Variants in ARHGAP24 observed in about 807,000 individuals in gnomAD.
The protein encoded by ARHGAP24 is Rho GTPase activating protein 24.
In ARHGAP24, 50 loss-of-function variants were observed where a neutral mutation model predicts 76.4. The observed-to-expected ratio is 0.65, with a 90% CI of 0.52 to 0.83. ARHGAP24 has a LOEUF of 0.83. Ranked by LOEUF, ARHGAP24 falls within the 40% of genes least tolerant of loss-of-function variation. The pLI is 0.00. For missense variants in ARHGAP24, 930 were observed against 914.2 expected (o/e 1.02, Z -0.22); for synonymous variants, 345 against 323.3 (o/e 1.07, Z -0.72).
chr4:85,810,566 C>T (rs1211822934), intron 3 of ARHGAP24, among the ~76,000 whole-genome samples: 2 of 152,164 alleles, frequency 1.3e-5, no homozygotes, highest in Non-Finnish European at 2.9e-5. Flanking sequence ...TCTAGACTCC[C>T]TTTATACCAT....
chr4:85,829,784 G>A (rs1729896635), intron 3 of ARHGAP24, among the ~76,000 whole-genome samples: 1 of 152,180 alleles, frequency 6.6e-6, no homozygotes, highest in Admixed American at 6.5e-5. Flanking sequence ...CTACAGTCTT[G>A]TATGTTCAGA....
intron 1 of ARHGAP24, among the ~76,000 whole-genome samples, chr4:85,532,377 A>T (rs1183428909): frequency 6.6e-6 from 1 of 152,142 alleles, no homozygotes; most frequent in Non-Finnish European, 1.5e-5. Context: ...TGGCCAATGG[A>T]GAATAATTAA....
At chr4:85,874,973 T>A (rs980657740) in intron 3 of ARHGAP24, among the ~76,000 whole-genome samples, 5 of 117,258 alleles carry the variant, frequency 4.3e-5, no homozygotes, top group Non-Finnish European at 6.5e-5. Context: ...ATAAATATAT[T>A]TTTATATAAT....
intron 1 of ARHGAP24, among the ~76,000 whole-genome samples, chr4:85,506,569 T>C (rs1317040071): frequency 6.7e-6 from 1 of 149,312 alleles, no homozygotes; most frequent in East Asian, 1.9e-4. Context: ...GAAGAAAATC[T>C]TCAGGTCTGC....
At chr4:85,814,196 A>G (rs767243113) in intron 3 of ARHGAP24, among the ~76,000 whole-genome samples, 3 of 152,116 alleles carry the variant, frequency 2.0e-5, no homozygotes, top group Non-Finnish European at 2.9e-5. Context: ...AGATTTGGGT[A>G]GGGATACAGA....
At position 85,625,562 on chromosome 4, in the gene ARHGAP24, G is replaced by T. The variant is rs192072423; in HGVS notation, c.180+54841G>T. On this transcript the variant is annotated intron_variant, in intron 2 of 9. Transcript: ENST00000395184. The stretch of plus-strand genomic sequence containing the variant: ...ATGTATATTCTGTTGATTTAGGGTG[G>T]ACAGTTCTGTAGATGTCTATTAGGT... Among the ~76,000 whole-genome samples the T allele has an allele frequency of 2.7e-3, 417 of 152,272 alleles. 1 individual carries two copies. The highest frequency in any genetic ancestry group is 4.4e-3 in the Non-Finnish European group (296 of 68,024).
At chr4:85,677,507 C>G (rs910317392) in intron 2 of ARHGAP24, among the ~76,000 whole-genome samples, 6 of 152,190 alleles carry the variant, frequency 3.9e-5, no homozygotes, top group African/African-American at 1.4e-4. Context: ...CTCATTTCTG[C>G]TGCTGCTGCT....
At chr4:85,631,527 T>C (rs1721158827) in intron 2 of ARHGAP24, among the ~76,000 whole-genome samples, 1 of 152,136 alleles carries the variant, frequency 6.6e-6, no homozygotes, top group African/African-American at 2.4e-5. Flanking sequence ...TTTATTTCAA[T>C]GTCTATTTTA....
intron 3 of ARHGAP24, among the ~76,000 whole-genome samples, chr4:85,796,417 A>C (rs1728341241): frequency 6.6e-6 from 1 of 152,192 alleles, no homozygotes; most frequent in Admixed American, 6.5e-5. Context: ...AATGCATCTC[A>C]GTTGTATCAG....
At chr4:85,877,371 T>C (rs1732994900) in intron 3 of ARHGAP24, among the ~76,000 whole-genome samples, 1 of 152,178 alleles carries the variant, frequency 6.6e-6, no homozygotes, top group South Asian at 2.1e-4. Flanking sequence ...ACTCCTGTAA[T>C]CACCATACTT....
chr4:85,970,087 A>G (rs1298223929), intron 5 of ARHGAP24, among the ~76,000 whole-genome samples: 1 of 152,196 alleles, frequency 6.6e-6, no homozygotes, highest in African/African-American at 2.4e-5. Context: ...GTCAAAATGG[A>G]AAACCTCAGT....
chr4:85,518,046 G>A (rs114903624), intron 1 of ARHGAP24, among the ~76,000 whole-genome samples: 2,584 of 152,144 alleles, frequency 0.017, 31 homozygotes, highest in Non-Finnish European at 0.026. Flanking sequence ...CAAAATTATA[G>A]CAATCTAAGG....
intron 3 of ARHGAP24, among the ~76,000 whole-genome samples, chr4:85,918,682 T>C (rs1735551494): frequency 6.6e-6 from 1 of 152,142 alleles, no homozygotes; most frequent in East Asian, 1.9e-4. Context: ...CAAGCATCTA[T>C]TTAAGAGAAT....
At chr4:85,875,810 C>G (rs2110199412) in intron 3 of ARHGAP24, among the ~76,000 whole-genome samples, 1 of 150,092 alleles carries the variant, frequency 6.7e-6, no homozygotes, top group African/African-American at 2.5e-5. Context: ...GGCACAATCT[C>G]AGCTCAGTGC....
At chr4:85,537,258 C>T (rs10516751) in intron 1 of ARHGAP24, among the ~76,000 whole-genome samples, 2 of 151,946 alleles carry the variant, frequency 1.3e-5, no homozygotes, top group East Asian at 1.9e-4. Context: ...CCATCTGGTT[C>T]GTAAGATAAG....
intron 3 of ARHGAP24, among the ~76,000 whole-genome samples, chr4:85,831,569 A>C (rs1729994639): frequency 6.6e-6 from 1 of 152,208 alleles, no homozygotes; most frequent in Admixed American, 6.5e-5. Flanking sequence ...ACTTATCAGA[A>C]CACACCAATG....
intron 8 of ARHGAP24, among the ~76,000 whole-genome samples, 198 bp downstream of exon 8, chr4:85,977,889 A>G (rs1390979386): frequency 2.0e-5 from 3 of 152,254 alleles, no homozygotes; most frequent in Non-Finnish European, 2.9e-5. Flanking sequence ...CTAAACATAA[A>G]ATATACTAAA....
intron 1 of ARHGAP24, among the ~76,000 whole-genome samples, chr4:85,565,814 A>G (rs1726817677): frequency 1.3e-5 from 2 of 152,152 alleles, no homozygotes; most frequent in Admixed American, 1.3e-4. Context: ...ACGCATGCTT[A>G]TATATTCTTT....
intron 2 of ARHGAP24, among the ~76,000 whole-genome samples, chr4:85,707,928 G>C (rs1400068837): frequency 6.6e-6 from 1 of 152,036 alleles, no homozygotes; most frequent in Non-Finnish European, 1.5e-5. Flanking sequence ...GAAATGATAG[G>C]CTTCTTTTTT....
Sources: allele counts gnomAD v4.1 joint callset (sites outside exome capture counted in the v4.1 genomes callset), GRCh38; gene constraint gnomAD v4.1.1; transcripts MANE v1.5; gene names NCBI Gene and HGNC (gene_info 2026-07-23, HGNC 2026-07-21).